Variants in RALGPS2 observed in about 807,000 individuals in gnomAD.
RALGPS2 encodes the protein Ral GEF with PH domain and SH3 binding motif 2, also known as ras-specific guanine nucleotide-releasing factor RalGPS2.
A neutral mutation model predicts 86.8 loss-of-function variants in RALGPS2; 43 were observed. The observed-to-expected ratio is 0.50, with a 90% CI of 0.39 to 0.64. The LOEUF (loss-of-function observed/expected upper bound fraction) is 0.64, where lower values mean the gene tolerates loss of function less well. Ranked by LOEUF, RALGPS2 falls within the 30% of genes least tolerant of loss-of-function variation. The pLI is 0.00. For missense variants in RALGPS2, 536 were observed against 694.6 expected (o/e 0.77, Z 2.57); for synonymous variants, 243 against 231.3 (o/e 1.05, Z -0.46).
rs112493133 is a variant in RALGPS2 at position 178,911,529 on chromosome 1, A to C, written c.1722+4662A>C. 4.5e-3 allele frequency among the ~76,000 whole-genome samples: 691 copies of C among 152,192 alleles called. 6 individuals are homozygous for C. Among genetic ancestry groups the C allele is most frequent in the African/African-American group, 0.015 (618 of 41,542 alleles). ...CATATAATTGTGTGGTTTTGAGAAAACTTCTTGGTATTGATTTCTAGTTTT... is the reference window on the plus strand; with the variant it reads ...CATATAATTGTGTGGTTTTGAGAAACCTTCTTGGTATTGATTTCTAGTTTT... On this transcript the variant is annotated intron_variant, in intron 19 of 19. Coordinates refer to ENST00000367635, the MANE Select transcript of RALGPS2 (RefSeq NM_152663.5).
At chr1:178,890,372 C>T (rs1299774120) in intron 14 of RALGPS2, among the ~76,000 whole-genome samples, 1 of 151,840 alleles carries the variant, frequency 6.6e-6, no homozygotes, top group Non-Finnish European at 1.5e-5. Flanking sequence ...TTTCACTGAC[C>T]ATTTCAGTTC....
At chr1:178,855,105 CT>C (rs2102302310) in intron 8 of RALGPS2, among the ~76,000 whole-genome samples, 1 of 152,066 alleles carries the variant, frequency 6.6e-6, no homozygotes, top group African/African-American at 2.4e-5. Context: ...AATTTCTGTA[CT>C]ATAAGGATAA....
At chr1:178,865,297 A>G in intron 8 of RALGPS2, 1 of 1,614,068 alleles carries the variant, frequency 6.2e-7, no homozygotes, top group Non-Finnish European at 8.5e-7. Flanking sequence ...CTGTGGTGAC[A>G]TTGAGGATTT....
At chr1:178,866,103 G>A (rs1430047177) in intron 8 of RALGPS2, among the ~76,000 whole-genome samples, 2 of 152,060 alleles carry the variant, frequency 1.3e-5, no homozygotes, top group Admixed American at 6.6e-5. Context: ...GCAAAGATAC[G>A]CTGCTAGTGC....
rs542015662 is a variant in RALGPS2 at position 178,918,847 on chromosome 1, A to G, written c.*2488A>G. The G allele has an allele frequency of 1.3e-5, 2 of 152,234 alleles. No individual in the cohort carries two copies. Among genetic ancestry groups the G allele is most frequent in the African/African-American group, 4.8e-5 (2 of 41,572 alleles). The allele number at this position is 152,234 out of a possible 1,614,324, so 9.4% of individuals were successfully genotyped here. A position where few individuals can be genotyped will look rare whatever the true frequency, so the allele number is the denominator to read the frequency against. Reference sequence around the variant, plus strand: ...CAAAGAAAATATGTTACCAAAATATATTAAATATATAGGTAGTTCATTCGT... The same window carrying G: ...CAAAGAAAATATGTTACCAAAATATGTTAAATATATAGGTAGTTCATTCGT... On this transcript the variant is annotated 3_prime_UTR_variant, in exon 20 of 20. Coordinates refer to ENST00000367635, the MANE Select transcript of RALGPS2 (RefSeq NM_152663.5).
intron 1 of RALGPS2, among the ~76,000 whole-genome samples, chr1:178,733,116 A>G (rs1210192203): frequency 6.6e-6 from 1 of 152,226 alleles, no homozygotes; most frequent in African/African-American, 2.4e-5. Flanking sequence ...TAGATTTAAT[A>G]TGAAAGTTTC....
chr1:178,744,541 G>A (rs921759666), intron 1 of RALGPS2, among the ~76,000 whole-genome samples: 20 of 152,242 alleles, frequency 1.3e-4, no homozygotes, highest in Admixed American at 1.0e-3. Context: ...TGGGTTTGGT[G>A]GCTCATGCCT....
intron 7 of RALGPS2, among the ~76,000 whole-genome samples, chr1:178,826,596 T>C (rs79333649): frequency 0.025 from 3,777 of 152,270 alleles, 156 homozygotes; most frequent in African/African-American, 0.086. Context: ...ATATGGAGTT[T>C]CATTTTGAGA....
chr1:178,726,924 CAT>C (rs1184402530), intron 1 of RALGPS2, among the ~76,000 whole-genome samples: 1 of 152,210 alleles, frequency 6.6e-6, no homozygotes, highest in Non-Finnish European at 1.5e-5. Flanking sequence ...GAATCATACA[CAT>C]AAGTGTATTA....
At chr1:178,726,824 G>T (rs983941991) in intron 1 of RALGPS2, among the ~76,000 whole-genome samples, 3 of 152,152 alleles carry the variant, frequency 2.0e-5, no homozygotes, top group Admixed American at 6.5e-5. Context: ...GCAGAGTATC[G>T]CTGTTAGACA....
intron 13 of RALGPS2, 120 bp downstream of exon 13, chr1:178,886,240 C>A: frequency 1.0e-6 from 1 of 983,864 alleles, no homozygotes; most frequent in Non-Finnish European, 1.5e-6. Context: ...AACAAAGTAG[C>A]AGTTAAATAT....
intron 8 of RALGPS2, chr1:178,864,946 T>TA (rs1371234649): frequency 1.4e-6 from 2 of 1,438,798 alleles, no homozygotes; most frequent in Non-Finnish European, 9.1e-7. Flanking sequence ...CAGTAAGAGG[T>TA]AACTCACCTT....
At chr1:178,836,577 T>C (rs1656281749) in intron 8 of RALGPS2, among the ~76,000 whole-genome samples, 1 of 152,182 alleles carries the variant, frequency 6.6e-6, no homozygotes, top group Non-Finnish European at 1.5e-5. Context: ...TTGAAACATT[T>C]TATAGATGTT....
chr1:178,885,927 G>C, intron 12 of RALGPS2, 42 bp from the exon 13 acceptor site: 2 of 1,484,320 alleles, frequency 1.3e-6, no homozygotes, highest in Middle Eastern at 1.8e-4. Flanking sequence ...TTTTAAATTA[G>C]TAACAATAAT....
At chr1:178,809,213 A>G (rs1237901952) in intron 5 of RALGPS2, among the ~76,000 whole-genome samples, 1 of 152,004 alleles carries the variant, frequency 6.6e-6, no homozygotes, top group African/African-American at 2.4e-5. Context: ...ACATTATTAT[A>G]GATGCACTTG....
chr1:178,734,836 T>C (rs1021956795), intron 1 of RALGPS2, among the ~76,000 whole-genome samples: 1 of 152,224 alleles, frequency 6.6e-6, no homozygotes, highest in Admixed American at 6.5e-5. Flanking sequence ...AAGGATAGCA[T>C]GTATAGCAAG....
At chr1:178,908,018 G>A (rs1660459081) in intron 19 of RALGPS2, among the ~76,000 whole-genome samples, 1 of 152,134 alleles carries the variant, frequency 6.6e-6, no homozygotes, top group South Asian at 2.1e-4. Flanking sequence ...GAGGTTTGGT[G>A]TATAAATGAT....
intron 16 of RALGPS2, among the ~76,000 whole-genome samples, chr1:178,896,920 A>G (rs1659974048): frequency 6.6e-6 from 1 of 150,960 alleles, no homozygotes; most frequent in Non-Finnish European, 1.5e-5. Context: ...CGCAATAAAC[A>G]TACGTGTGCA....
At chr1:178,765,951 A>T (rs1189514047) in intron 1 of RALGPS2, among the ~76,000 whole-genome samples, 1 of 152,058 alleles carries the variant, frequency 6.6e-6, no homozygotes, top group Non-Finnish European at 1.5e-5. Context: ...AGGTGCCCAG[A>T]TTTCTTATTG....
Sources: gnomAD v4.1 joint callset for allele counts (sites outside exome capture counted in the v4.1 genomes callset) on GRCh38, gnomAD v4.1.1 for gene constraint, MANE v1.5 for transcripts, NCBI Gene and HGNC (gene_info 2026-07-23, HGNC 2026-07-21) for gene names.